The following RYR2 variants were observed in gnomAD, a reference collection of about 807,000 sequenced individuals.
RYR2 encodes cardiac muscle ryanodine receptor-calcium release channel.
Under a neutral mutation model 601.1 loss-of-function variants are expected in RYR2, and 227 were observed. The observed-to-expected ratio is 0.38, with a 90% CI of 0.34 to 0.42. The LOEUF (loss-of-function observed/expected upper bound fraction) is 0.42, where lower values mean the gene tolerates loss of function less well. RYR2 is among the 10% of genes least tolerant of loss of function. The pLI is 1.00. For missense variants in RYR2, 4,646 were observed against 6,156.5 expected, an observed-to-expected ratio of 0.75 and a Z score of 8.21; for synonymous variants, 2,223 against 2,175.1, an observed-to-expected ratio of 1.02 and a Z score of -0.61.
At chr1:237,141,154 T>C (rs1673345368) in intron 1 of RYR2, among the ~76,000 whole-genome samples, 1 of 152,230 alleles carries the variant, frequency 6.6e-6, no homozygotes, top group Non-Finnish European at 1.5e-5. Context: ...TGTTTCTTTT[T>C]CTTGTCTGGC....
At chr1:237,689,029 G>A (rs1356577459) in intron 63 of RYR2, among the ~76,000 whole-genome samples, 5 of 152,108 alleles carry the variant, frequency 3.3e-5, no homozygotes, top group East Asian at 1.9e-4. Context: ...TTGGGATGTC[G>A]TGGTGAGAGA....
intron 92 of RYR2, among the ~76,000 whole-genome samples, chr1:237,790,640 A>G (rs1658265348): frequency 6.6e-6 from 1 of 152,104 alleles, no homozygotes; most frequent in Admixed American, 6.6e-5. Context: ...CTTTCCCTAT[A>G]TTAACTCATT....
chr1:237,692,713 C>A (rs1687055838), intron 63 of RYR2, among the ~76,000 whole-genome samples: 1 of 152,182 alleles, frequency 6.6e-6, no homozygotes, highest in African/African-American at 2.4e-5. Context: ...CTCAATCCTT[C>A]ACACTCATAA....
intron 27 of RYR2, among the ~76,000 whole-genome samples, chr1:237,560,880 C>T (rs944497257): frequency 4.6e-5 from 7 of 152,102 alleles, no homozygotes; most frequent in East Asian, 1.9e-4. Context: ...TTGATGGTCC[C>T]GTTGAGGTTA....
rs559299271 is a variant in RYR2 at position 237,342,061 on chromosome 1, A to G, written c.273+11079A>G. 3.2e-4 allele frequency among the ~76,000 whole-genome samples: 49 copies of G among 152,338 alleles called. No individual in the cohort carries two copies. The Middle Eastern group carries it at 0.014, about 42-fold the overall frequency. On this transcript the variant is annotated intron_variant, in intron 3 of 104. Transcript: ENST00000366574. ...TTATAGAATCTATTTACAGAAGGCA[A>G]TACAAATAATATGCACGCATACAAA...
At chr1:237,193,392 G>A (rs1377255424) in intron 1 of RYR2, among the ~76,000 whole-genome samples, 13 of 152,240 alleles carry the variant, frequency 8.5e-5, no homozygotes, top group South Asian at 4.1e-4. Context: ...CCCGGGAGGT[G>A]GAGCTTGCAG....
chr1:237,281,795 G>A lies in RYR2; in HGVS notation c.168+11179G>A, dbSNP rs143878406. Reference sequence around the variant, plus strand: ...ACAGCACTGGTGGAAGTACAGAATAGGGATTGTGGTTTTGATGATGGTGTA... The same window carrying A: ...ACAGCACTGGTGGAAGTACAGAATAAGGATTGTGGTTTTGATGATGGTGTA... On this transcript the variant is annotated intron_variant, in intron 2 of 104. Transcript: ENST00000366574. 6.2e-3 allele frequency among the ~76,000 whole-genome samples: 948 copies of A among 152,294 alleles called. 11 individuals carry two copies. Among genetic ancestry groups the A allele is most frequent in the African/African-American group, 0.022 (905 of 41,570 alleles).
chr1:237,063,068 G>A (rs1407680313), intron 1 of RYR2, among the ~76,000 whole-genome samples: 1 of 152,052 alleles, frequency 6.6e-6, no homozygotes, highest in Non-Finnish European at 1.5e-5. Context: ...AGATGATTAG[G>A]TCATGAGGGT....
At chr1:237,746,017 T>C (rs982148086) in intron 80 of RYR2, among the ~76,000 whole-genome samples, 1 of 152,118 alleles carries the variant, frequency 6.6e-6, no homozygotes, top group African/African-American at 2.4e-5. Context: ...GTATGTGGTA[T>C]GAAATATTAC....
At chr1:237,727,332 A>C (rs982688328) in intron 76 of RYR2, 133 bp downstream of exon 76, 1 of 431,486 alleles carries the variant, frequency 2.3e-6, no homozygotes. Flanking sequence ...ATTCTTCTAC[A>C]TAAAACTTGA....
intron 1 of RYR2, among the ~76,000 whole-genome samples, chr1:237,110,209 G>A (rs74384359): frequency 0.028 from 4,281 of 152,180 alleles, 190 homozygotes; most frequent in African/African-American, 0.092. Context: ...GCAGATTGCT[G>A]GGCTCTGGCC....
At chr1:237,155,191 T>C (rs573305925) in intron 1 of RYR2, among the ~76,000 whole-genome samples, 10 of 149,270 alleles carry the variant, frequency 6.7e-5, no homozygotes, top group African/African-American at 2.4e-4. Context: ...TTTTTTTTTT[T>C]TTTTGACAGA....
At chr1:237,372,016 C>T (rs753738441) in intron 6 of RYR2, among the ~76,000 whole-genome samples, 2 of 151,996 alleles carry the variant, frequency 1.3e-5, no homozygotes, top group African/African-American at 4.8e-5. Flanking sequence ...AACAAACCTG[C>T]ACATTGGGCA....
chr1:237,643,570 A>G, intron 48 of RYR2, 123 bp downstream of exon 48: 1 of 1,000,210 alleles, frequency 1.0e-6, no homozygotes, highest in Middle Eastern at 2.5e-4. Flanking sequence ...ATACTACTTA[A>G]ATTAGTTTTT....
intron 71 of RYR2, among the ~76,000 whole-genome samples, chr1:237,714,737 T>TCCCAGCA (rs1689117169): frequency 6.6e-6 from 1 of 151,890 alleles, no homozygotes; most frequent in South Asian, 2.1e-4. Flanking sequence ...ACGCCTGTAA[T>TCCCAGCA]CCCAGCACTT....
intron 25 of RYR2, among the ~76,000 whole-genome samples, chr1:237,547,861 A>G (rs1374419363): frequency 1.3e-5 from 2 of 152,224 alleles, no homozygotes; most frequent in South Asian, 4.1e-4. Context: ...AGATGGTTAT[A>G]TAGCTGTGAT....
intron 1 of RYR2, among the ~76,000 whole-genome samples, chr1:237,102,657 A>C (rs1366464264): frequency 6.6e-6 from 1 of 152,032 alleles, no homozygotes; most frequent in Admixed American, 6.6e-5. Flanking sequence ...GGAGTTCGAG[A>C]CCAGCCTGGC....
chr1:237,342,412 C>T (rs1377869412), intron 3 of RYR2, among the ~76,000 whole-genome samples: 7 of 151,892 alleles, frequency 4.6e-5, no homozygotes, highest in Non-Finnish European at 8.8e-5. Context: ...CCTTAACCTC[C>T]CAAAATGTTG....
chr1:237,824,082 C>T (rs1050930319), intron 101 of RYR2, among the ~76,000 whole-genome samples: 7 of 152,086 alleles, frequency 4.6e-5, no homozygotes, highest in Non-Finnish European at 1.0e-4. Context: ...GATTCACAGC[C>T]GAATTCTACC....
Sources: allele counts gnomAD v4.1 joint callset (sites outside exome capture counted in the v4.1 genomes callset), GRCh38; gene constraint gnomAD v4.1.1; transcripts MANE v1.5; gene names NCBI Gene and HGNC (gene_info 2026-07-23, HGNC 2026-07-21).